Variants in DLGAP2 observed in about 807,000 individuals in gnomAD.
DLGAP2 encodes DLG associated protein 2.
In DLGAP2, 26 loss-of-function variants were observed where a neutral mutation model predicts 100.3. The ratio of observed to expected loss-of-function variants is 0.26; its 90% CI spans 0.19 to 0.36. The LOEUF (loss-of-function observed/expected upper bound fraction) is 0.36, where lower values mean the gene tolerates loss of function less well. Ranked by LOEUF, DLGAP2 falls within the 10% of genes least tolerant of loss-of-function variation. DLGAP2 has a pLI of 1.00. For synonymous variants in DLGAP2, 886 were observed against 630.1 expected, an observed-to-expected ratio of 1.41 and a Z score of -6.08; for missense variants, 1,858 against 1,453.2, an observed-to-expected ratio of 1.28 and a Z score of -4.53.
intron 5 of DLGAP2, among the ~76,000 whole-genome samples, chr8:1,552,259 G>C (rs947991134): frequency 6.6e-6 from 1 of 152,244 alleles, no homozygotes; most frequent in African/African-American, 2.4e-5. Flanking sequence ...CGTCTGCAGG[G>C]AGCAGCCACG....
intron 2 of DLGAP2, among the ~76,000 whole-genome samples, chr8:1,110,007 A>G (rs1585068884): frequency 4.0e-5 from 4 of 99,020 alleles, no homozygotes; most frequent in Non-Finnish European, 7.5e-5. Flanking sequence ...GGTCTGTGAC[A>G]TGTGCTGGGT....
At chr8:996,031 C>A (rs984392545) in intron 2 of DLGAP2, among the ~76,000 whole-genome samples, 1 of 152,182 alleles carries the variant, frequency 6.6e-6, no homozygotes, top group African/African-American at 2.4e-5. Context: ...AGGCCATTGT[C>A]AGTTACTTAT....
At chr8:744,177 G>A (rs1010192405) in intron 1 of DLGAP2, among the ~76,000 whole-genome samples, 34 of 152,146 alleles carry the variant, frequency 2.2e-4, no homozygotes, top group Non-Finnish European at 3.4e-4. Flanking sequence ...TTGGGAAGAA[G>A]TGCTCGTTCG....
intron 3 of DLGAP2, among the ~76,000 whole-genome samples, chr8:1,439,678 G>T (rs1008838203): frequency 6.6e-6 from 1 of 152,138 alleles, no homozygotes; most frequent in Non-Finnish European, 1.5e-5. Flanking sequence ...AAACGGCAAC[G>T]TGAGCAGTAT....
chr8:1,561,458 C>T (rs1420511781), intron 5 of DLGAP2, among the ~76,000 whole-genome samples: 1 of 152,154 alleles, frequency 6.6e-6, no homozygotes, highest in Non-Finnish European at 1.5e-5. Flanking sequence ...AGTTCAGGAT[C>T]CTTGTCCTGA....
intron 1 of DLGAP2, among the ~76,000 whole-genome samples, chr8:895,616 G>C (rs1376715540): frequency 1.3e-5 from 2 of 152,192 alleles, no homozygotes; most frequent in African/African-American, 2.4e-5. Context: ...CCATTGCAGT[G>C]GGTTTTGAGC....
intron 3 of DLGAP2, among the ~76,000 whole-genome samples, chr8:1,277,198 T>G (rs1389484245): frequency 6.6e-6 from 1 of 152,228 alleles, no homozygotes. Context: ...GCTATTTTAC[T>G]AATGAATTTT....
rs1434261965 is a variant in DLGAP2 at position 1,337,991 on chromosome 8, A to G, written c.106+79108A>G. 2.6e-5 allele frequency among the ~76,000 whole-genome samples: 4 copies of G among 152,366 alleles called. No homozygotes were observed. The South Asian group carries it at 8.3e-4, about 32-fold the overall frequency. ...CAAATCAAAACCAAGATGAGATGCAATTGCATTCCCACTAGGACGGCTGTC... is the reference window on the plus strand; with the variant it reads ...CAAATCAAAACCAAGATGAGATGCAGTTGCATTCCCACTAGGACGGCTGTC... On this transcript the variant is annotated intron_variant, in intron 3 of 14. Transcript: ENST00000637795.
At position 967,819 on chromosome 8, in the gene DLGAP2, TATATATATATATATATATATATATATATA is replaced by T. The variant is rs1799913500; in HGVS notation, c.73+59854_73+59882del. 1.7e-3 allele frequency among the ~76,000 whole-genome samples: 46 copies of T among 26,810 alleles called. 3 individuals are homozygous for T. Among genetic ancestry groups the T allele is most frequent in the African/African-American group, 8.9e-3 (34 of 3,814 alleles). The allele number at this position is 26,810 out of a possible 152,430, so 17.6% of individuals were successfully genotyped here. ...TACACCTCTTTGTTGAACACCACTA[TATATATATATATATATATATATATATATA>T]TATATATATATATATATATATATAT... is the stretch of plus-strand genomic sequence containing the variant. On this transcript the variant is annotated intron_variant, in intron 2 of 14. Coordinates refer to ENST00000637795, the MANE Select transcript of DLGAP2 (RefSeq NM_001346810.2).
intron 3 of DLGAP2, among the ~76,000 whole-genome samples, chr8:1,339,249 C>G (rs1282043303): frequency 1.3e-5 from 2 of 151,004 alleles, no homozygotes; most frequent in Non-Finnish European, 3.0e-5. Context: ...AATGCAGTGA[C>G]CTCAGCGAGG....
intron 1 of DLGAP2, among the ~76,000 whole-genome samples, chr8:772,335 T>G (rs1821384881): frequency 6.6e-6 from 1 of 152,186 alleles, no homozygotes; most frequent in Non-Finnish European, 1.5e-5. Context: ...ATTAATAATT[T>G]TTTTTGAGAC....
chr8:1,410,554 G>C (rs1230375684), intron 3 of DLGAP2, among the ~76,000 whole-genome samples: 1 of 152,228 alleles, frequency 6.6e-6, no homozygotes, highest in East Asian at 1.9e-4. Context: ...CACAGGTCGA[G>C]TTAAAGCAAA....
intron 2 of DLGAP2, among the ~76,000 whole-genome samples, chr8:1,226,842 T>C (rs1798426078): frequency 6.6e-6 from 1 of 151,768 alleles, no homozygotes; most frequent in Non-Finnish European, 1.5e-5. Flanking sequence ...CCAAATAGCA[T>C]AGCTATGAAA....
At chr8:1,095,057 C>T (rs556980726) in intron 2 of DLGAP2, among the ~76,000 whole-genome samples, 2 of 149,284 alleles carry the variant, frequency 1.3e-5, no homozygotes, top group African/African-American at 2.5e-5. Flanking sequence ...CCTGCACTGG[C>T]GTGGACCACC....
At chr8:1,080,621 G>A (rs1331145185) in intron 2 of DLGAP2, among the ~76,000 whole-genome samples, 2 of 152,190 alleles carry the variant, frequency 1.3e-5, no homozygotes, top group African/African-American at 4.8e-5. Flanking sequence ...TCATCAGGCG[G>A]AACAGGGACC....
intron 2 of DLGAP2, among the ~76,000 whole-genome samples, chr8:1,255,474 C>CTG (rs1209441768): frequency 2.9e-4 from 37 of 126,854 alleles, no homozygotes; most frequent in Non-Finnish European, 5.1e-4. Context: ...TGCCTGGGTG[C>CTG]TGTGTGTGTG....
intron 3 of DLGAP2, among the ~76,000 whole-genome samples, chr8:1,359,404 A>T (rs1273167143): frequency 1.3e-5 from 2 of 152,236 alleles, no homozygotes; most frequent in Admixed American, 1.3e-4. Context: ...AGAGGAGGAC[A>T]GTTTTCTTTT....
chr8:953,000 G>A (rs186272553), intron 2 of DLGAP2, among the ~76,000 whole-genome samples: 6 of 152,230 alleles, frequency 3.9e-5, no homozygotes, highest in Admixed American at 3.9e-4. Context: ...ATAGCATCAT[G>A]CACTGGTCAT....
chr8:1,514,810 G>T (rs866343989), intron 4 of DLGAP2, among the ~76,000 whole-genome samples: 1 of 152,198 alleles, frequency 6.6e-6, no homozygotes. Context: ...AAGGAAGGCC[G>T]GCCTGAGTCC....
Sources: allele counts gnomAD v4.1 joint callset (sites outside exome capture counted in the v4.1 genomes callset), GRCh38; gene constraint gnomAD v4.1.1; transcripts MANE v1.5; gene names NCBI Gene and HGNC (gene_info 2026-07-23, HGNC 2026-07-21).